The following SFSWAP variants were observed in gnomAD, a reference collection of about 807,000 sequenced individuals.
SFSWAP encodes splicing factor, suppressor of white-apricot homolog.
A neutral mutation model predicts 100.7 loss-of-function variants in SFSWAP; 17 were observed. The ratio of observed to expected loss-of-function variants is 0.17; its 90% CI spans 0.12 to 0.25. SFSWAP has a LOEUF of 0.25. SFSWAP is among the 10% of genes least tolerant of loss of function. The pLI is 1.00. For synonymous variants in SFSWAP, 504 were observed against 510.1 expected, an observed-to-expected ratio of 0.99 and a Z score of 0.16; for missense variants, 1,005 against 1,262.6, an observed-to-expected ratio of 0.80 and a Z score of 3.09.
chr12:131,727,405 G>A (rs1879084750), intron 6 of SFSWAP, among the ~76,000 whole-genome samples: 1 of 152,236 alleles, frequency 6.6e-6, no homozygotes, highest in African/African-American at 2.4e-5. Flanking sequence ...CTAGCACTTT[G>A]GGAGGCTGAG....
intron 15 of SFSWAP, among the ~76,000 whole-genome samples, chr12:131,788,483 A>G (rs868020134): frequency 2.0e-5 from 3 of 151,792 alleles, no homozygotes; most frequent in Non-Finnish European, 4.4e-5. Flanking sequence ...GCCCCCAGTT[A>G]GTCTATAAAT....
At chr12:131,774,224 G>A (rs1158371381) in intron 13 of SFSWAP, among the ~76,000 whole-genome samples, 1 of 152,200 alleles carries the variant, frequency 6.6e-6, no homozygotes. Flanking sequence ...GGAGAGCAAC[G>A]CCGCAGTGTT....
At chr12:131,797,422 C>A in intron 16 of SFSWAP, 62 bp downstream of exon 16, 1 of 1,425,482 alleles carries the variant, frequency 7.0e-7, no homozygotes, top group Non-Finnish European at 9.5e-7. Context: ...GCAGGACTCT[C>A]CCTCCTCCCT....
rs779780442 is a variant in SFSWAP at position 131,778,365 on chromosome 12, C to T, written c.2408+35C>T. ...AAGGGGGCAGCACCTCTGGTACCCT[C>T]ATGACCCCCATGTCCTTCACAGGAC... On this transcript the variant is annotated intron_variant, in intron 14 of 17. Transcript: ENST00000261674. The surrounding 1 kb of genome is among the most constrained non-coding windows in gnomAD (Gnocchi z 4.2). 22 of 1,596,686 alleles carry T rather than the reference C, an allele frequency of 1.4e-5. 1 individual carries two copies. Among genetic ancestry groups the T allele is most frequent in the Middle Eastern group, 1.7e-4 (1 of 5,970 alleles).
intron 7 of SFSWAP, among the ~76,000 whole-genome samples, chr12:131,737,001 C>G (rs972783285): frequency 2.0e-5 from 3 of 152,140 alleles, no homozygotes; most frequent in Non-Finnish European, 2.9e-5. Context: ...CTCTCATTTA[C>G]TAGTATATGG....
chr12:131,791,627 C>T (rs972088259), intron 15 of SFSWAP, among the ~76,000 whole-genome samples: 6 of 151,948 alleles, frequency 3.9e-5, no homozygotes, highest in African/African-American at 4.8e-5. Context: ...TAGTGTGCGT[C>T]TGTAATCCCA....
chr12:131,748,936 G>T (rs528771360), intron 7 of SFSWAP, among the ~76,000 whole-genome samples: 1 of 152,254 alleles, frequency 6.6e-6, no homozygotes, highest in Admixed American at 6.5e-5. Flanking sequence ...AGTCCCCTTT[G>T]GGAAATTCAA....
At chr12:131,713,469 A>G (rs1877581291) in intron 1 of SFSWAP, 1 of 152,188 alleles carries the variant, frequency 6.6e-6, no homozygotes, top group Non-Finnish European at 1.5e-5. Flanking sequence ...TCACTGTTCC[A>G]ATGTATGTGT....
intron 7 of SFSWAP, among the ~76,000 whole-genome samples, chr12:131,743,240 A>T (rs1406040374): frequency 6.6e-6 from 1 of 152,336 alleles, no homozygotes; most frequent in East Asian, 1.9e-4. Flanking sequence ...CCAAAGTCTT[A>T]ACTCATTTCA....
intron 7 of SFSWAP, among the ~76,000 whole-genome samples, chr12:131,729,368 T>C (rs186990797): frequency 1.3e-5 from 2 of 151,946 alleles, no homozygotes; most frequent in East Asian, 1.9e-4. Flanking sequence ...TAGCTGGGCA[T>C]GGTGGTGTGC....
Position 131,794,388 on chromosome 12 carries a change from T to A in SFSWAP, c.2535-2790T>A, listed in dbSNP as rs1326140345. ...CATCTCTACTTAAAAAAAAAAAAAA[T>A]TAGCCATTTGTGGTGGCGTCTGCCT... On this transcript the variant is annotated intron_variant, in intron 15 of 17. Coordinates refer to ENST00000261674, the MANE Select transcript of SFSWAP (RefSeq NM_004592.4). The surrounding 1 kb of genome is among the most constrained non-coding windows in gnomAD (Gnocchi z 4.8). Among the ~76,000 whole-genome samples, 2 of 147,616 alleles carry A rather than the reference T, an allele frequency of 1.4e-5. No homozygotes were observed. The highest frequency in any genetic ancestry group is 3.0e-5 in the Non-Finnish European group (2 of 66,774).
At chr12:131,760,208 T>C (rs990187585) in intron 11 of SFSWAP, among the ~76,000 whole-genome samples, 13 of 152,166 alleles carry the variant, frequency 8.5e-5, no homozygotes, top group Non-Finnish European at 1.6e-4. Flanking sequence ...AGGGAAAGAT[T>C]GGTAGGTCTA....
In SFSWAP at chr12:131,778,001, A is replaced by G; in HGVS notation, c.2143-64A>G. ...GTGAGGGGCCCAAAGTTGAAATTTT[A>G]TAGATATACATCTTCAATGTTCTGT... On this transcript the variant is annotated intron_variant, in intron 13 of 17. Coordinates refer to ENST00000261674, the MANE Select transcript of SFSWAP (RefSeq NM_004592.4). The surrounding 1 kb of genome is among the most constrained non-coding windows in gnomAD (Gnocchi z 4.2). 6.4e-7 allele frequency: 1 copy of G among 1,552,972 alleles called. No homozygotes were observed. The highest frequency in any genetic ancestry group is 1.4e-5 in the African/African-American group (1 of 72,184).
intron 7 of SFSWAP, among the ~76,000 whole-genome samples, chr12:131,746,816 TCATGCTGGCCGGG>T (rs1288782589): frequency 6.6e-6 from 1 of 152,130 alleles, no homozygotes; most frequent in Non-Finnish European, 1.5e-5. Context: ...ATGGAGAAGC[TCATGCTGGCCGGG>T]CATGCTGGCT....
At position 131,766,288 on chromosome 12, in the gene SFSWAP, G is replaced by A. The variant is rs1883110646; in HGVS notation, c.2122G>A (p.Glu708Lys). 1.2e-6 allele frequency: 2 copies of A among 1,614,164 alleles called. No individual in the cohort carries two copies. Among genetic ancestry groups the A allele is most frequent in the Non-Finnish European group, 1.7e-6 (2 of 1,180,036 alleles). Reference sequence around the variant, plus strand: ...GGAAGCAGAAGCTGGGAAAATTGAGGAGAGTCCTTTCAGTGTCGAGGTATA... The same window carrying A: ...GGAAGCAGAAGCTGGGAAAATTGAGAAGAGTCCTTTCAGTGTCGAGGTATA... ...LPEAEAGKIE[E>K]SPFSVEESST... is the part of the protein sequence containing the mutation. Residue 708 changes from glutamate (E) to lysine (K), a missense_variant, in exon 13 of 18, where the codon GAG (glutamate) becomes AAG (lysine). Physicochemically the swap from Glu to Lys is moderately conservative, Grantham distance 56. Coordinates refer to ENST00000261674, the MANE Select transcript of SFSWAP (RefSeq NM_004592.4).
At chr12:131,756,339 C>G (rs2136227593) in intron 10 of SFSWAP, 134 bp from the exon 11 acceptor site, 2 of 712,844 alleles carry the variant, frequency 2.8e-6, no homozygotes, top group East Asian at 2.6e-5. Flanking sequence ...ATTTGGAAGT[C>G]TGTTCCCAGT....
chr12:131,728,886 G>A (rs1393326264), intron 7 of SFSWAP, among the ~76,000 whole-genome samples: 1 of 152,008 alleles, frequency 6.6e-6, no homozygotes, highest in African/African-American at 2.4e-5. Context: ...ATAGGGATGG[G>A]GTCTCACTAT....
chr12:131,733,858 C>T lies in SFSWAP; in HGVS notation c.1081+5430C>T, dbSNP rs952287213. On this transcript the variant is annotated intron_variant, in intron 7 of 17. Transcript: ENST00000261674. The surrounding 1 kb of genome is among the most constrained non-coding windows in gnomAD (Gnocchi z 5.1). Reference sequence around the variant, plus strand: ...GCCTGGGTCCTGGCACCTGCCCCTCCACTCCCCATGCAGCTTCATCCTCCA... The same window carrying T: ...GCCTGGGTCCTGGCACCTGCCCCTCTACTCCCCATGCAGCTTCATCCTCCA... Among the ~76,000 whole-genome samples the T allele has an allele frequency of 3.9e-5, 6 of 152,122 alleles. No individual in the cohort carries two copies. The highest frequency in any genetic ancestry group is 8.8e-5 in the Non-Finnish European group (6 of 68,008).
chr12:131,751,378 G>A (rs1262997817), intron 7 of SFSWAP, among the ~76,000 whole-genome samples: 4 of 152,256 alleles, frequency 2.6e-5, no homozygotes, highest in African/African-American at 4.8e-5. Context: ...TGACTGTCCA[G>A]AGCAGGACAT....
Sources: allele counts gnomAD v4.1 joint callset (sites outside exome capture counted in the v4.1 genomes callset), GRCh38; gene constraint gnomAD v4.1.1; non-coding constraint Gnocchi (gnomAD v3.1); transcripts MANE v1.5; gene names NCBI Gene and HGNC (gene_info 2026-07-23, HGNC 2026-07-21).